PTPN3: variants seen among roughly 807,000 people sequenced by gnomAD.
The protein encoded by PTPN3 is tyrosine-protein phosphatase non-receptor type 3.
Under a neutral mutation model 132.7 loss-of-function variants are expected in PTPN3, and 96 were observed. The ratio of observed to expected loss-of-function variants is 0.72; its 90% confidence interval spans 0.61 to 0.86. The LOEUF is 0.86. Ranked by LOEUF, PTPN3 falls within the 40% of genes least tolerant of loss-of-function variation. The pLI, the probability that PTPN3 is intolerant of heterozygous loss-of-function variation, is 0.00. For missense variants in PTPN3, 1,125 were observed against 1,159.6 expected (o/e 0.97, Z 0.43); for synonymous variants, 398 against 429.0 (o/e 0.93, Z 0.89).
At chr9:109,442,874 C>T (rs145993457) in intron 7 of PTPN3, among the ~76,000 whole-genome samples, 1 of 152,198 alleles carries the variant, frequency 6.6e-6, no homozygotes, top group Non-Finnish European at 1.5e-5. Context: ...GTATATGGCT[C>T]CAGTCCAGTT....
chr9:109,462,866 T>C (rs907048268), intron 2 of PTPN3, among the ~76,000 whole-genome samples: 1 of 151,884 alleles, frequency 6.6e-6, no homozygotes, highest in East Asian at 2.0e-4. Context: ...TCTTTCCTGT[T>C]TTCAAGGAGC....
At chr9:109,501,263 G>A (rs1280229187), upstream of PTPN3, among the ~76,000 whole-genome samples, 2 of 152,140 alleles carry the variant, frequency 1.3e-5, no homozygotes, top group Non-Finnish European at 2.9e-5. Context: ...TTTTACAGAA[G>A]AGAAAACAAT....
chr9:109,391,157 A>G lies in PTPN3; in HGVS notation c.2087T>C (p.Ile696Thr), dbSNP rs759379733. 1 of 1,613,674 alleles carries G rather than the reference A, an allele frequency of 6.2e-7. No homozygotes were observed. Among genetic ancestry groups the G allele is most frequent in the Non-Finnish European group, 8.5e-7 (1 of 1,179,710 alleles). The change falls in exon 21 of 26, where the codon ATT becomes ACT. Residue 696 changes from isoleucine to threonine, a missense_variant. Physicochemically the swap from Ile to Thr is moderately conservative, Grantham distance 89. Transcript: ENST00000374541. The stretch of plus-strand genomic sequence containing the variant: ...ACTTACGTTCACGTAACTTGCATTA[A>G]TATAATCTTCATTTCCCTGCAATAA... ...RVLLQGNEDY[I>T]NASYVNMEIP...
At chr9:109,433,916 TAAAAAAAAAAAAAAAA>T (rs1170933792) in intron 9 of PTPN3, among the ~76,000 whole-genome samples, 1 of 98,284 alleles carries the variant, frequency 1.0e-5, no homozygotes, top group Non-Finnish European at 2.2e-5. Flanking sequence ...AGACTCTGTT[TAAAAAAAAAAAAAAAA>T]AAAAAAAAAA....
chr9:109,410,265 G>A lies in PTPN3; in HGVS notation c.1464C>T (p.Gly488=). Residue 488 remains glycine (G), a synonymous_variant, in exon 15 of 26, where the codon GGC becomes GGT. Transcript: ENST00000374541. ...LDDFHRVTKG[G]STEDASQYYC... The stretch of plus-strand genomic sequence containing the variant: ...AGTACTGGCTGGCGTCCTCGGTGGA[G>A]CCCCCTTTGGTCACCCTGTGGAAGT... 6.2e-7 allele frequency: 1 copy of A among 1,614,096 alleles called. No individual in the cohort carries two copies. The highest frequency in any genetic ancestry group is 8.5e-7 in the Non-Finnish European group (1 of 1,180,012).
intron 1 of PTPN3, among the ~76,000 whole-genome samples, chr9:109,466,257 G>C (rs1203472270): frequency 1.3e-5 from 2 of 152,186 alleles, no homozygotes; most frequent in African/African-American, 4.8e-5. Flanking sequence ...ATATAACATA[G>C]ACTATATAGC....
chr9:109,537,451 A>C, the PTPN3 span, among the ~76,000 whole-genome samples: 51 of 152,262 alleles, frequency 3.3e-4, no homozygotes, highest in Non-Finnish European at 1.0e-4. Context: ...CTCTAAACCA[A>C]AGCTGAACAT....
At chr9:109,412,450 T>C (rs1026572096) in intron 14 of PTPN3, among the ~76,000 whole-genome samples, 2 of 151,966 alleles carry the variant, frequency 1.3e-5, no homozygotes, top group Non-Finnish European at 2.9e-5. Flanking sequence ...CTCGGCTCAC[T>C]GCAACCTCCG....
At chr9:109,482,960 C>T (rs1388328251) in intron 1 of PTPN3, among the ~76,000 whole-genome samples, 1 of 152,236 alleles carries the variant, frequency 6.6e-6, no homozygotes, top group African/African-American at 2.4e-5. Flanking sequence ...GGAGCCCTAT[C>T]TGCTGCTTCT....
chr9:109,451,614 T>C (rs1244262685), intron 5 of PTPN3, among the ~76,000 whole-genome samples: 5 of 152,342 alleles, frequency 3.3e-5, no homozygotes, highest in African/African-American at 9.6e-5. Flanking sequence ...CCATCATGAA[T>C]GCCCTACATT....
chr9:109,383,290 C>A, intron 23 of PTPN3, 133 bp downstream of exon 23: 1 of 1,483,076 alleles, frequency 6.7e-7, no homozygotes, highest in Non-Finnish European at 9.3e-7. Context: ...CTTTGATGGG[C>A]AGTCTTGCGC....
intron 2 of PTPN3, among the ~76,000 whole-genome samples, chr9:109,460,140 C>T (rs909566546): frequency 6.6e-6 from 1 of 152,204 alleles, no homozygotes; most frequent in African/African-American, 2.4e-5. Context: ...GTTCTTCCCA[C>T]AGTCTTCCCC....
intron 1 of PTPN3, among the ~76,000 whole-genome samples, chr9:109,486,022 T>G (rs2132112140): frequency 6.6e-6 from 1 of 152,270 alleles, no homozygotes; most frequent in South Asian, 2.1e-4. Context: ...AACACAGAAC[T>G]TGGAAATTCT....
chr9:109,492,835 T>A (rs1847521979), intron 1 of PTPN3, among the ~76,000 whole-genome samples: 1 of 152,240 alleles, frequency 6.6e-6, no homozygotes, highest in Non-Finnish European at 1.5e-5. Flanking sequence ...TTTTATCTGC[T>A]ACCATCATGC....
the PTPN3 span, among the ~76,000 whole-genome samples, chr9:109,537,710 T>C: frequency 1.3e-5 from 2 of 152,380 alleles, no homozygotes; most frequent in East Asian, 3.9e-4. Context: ...ACAATGATCA[T>C]TGCTGACACT....
intron 7 of PTPN3, among the ~76,000 whole-genome samples, chr9:109,442,144 C>A (rs185671749): frequency 1.6e-4 from 25 of 152,098 alleles, no homozygotes; most frequent in Non-Finnish European, 3.2e-4. Flanking sequence ...ACCTCCAGGG[C>A]TCAAATAATC....
chr9:109,408,787 AAAAAAAAAAATAT>A (rs1267946263), intron 16 of PTPN3, among the ~76,000 whole-genome samples: 1 of 51,650 alleles, frequency 1.9e-5, no homozygotes, highest in Non-Finnish European at 4.0e-5. Flanking sequence ...TAATTAAAAA[AAAAAAAAAAATAT>A]ATATATATAT....
intron 9 of PTPN3, among the ~76,000 whole-genome samples, chr9:109,435,712 C>A (rs1172303995): frequency 6.6e-6 from 1 of 152,150 alleles, no homozygotes; most frequent in Non-Finnish European, 1.5e-5. Context: ...GGTGGGACAG[C>A]ACAGCTCAAC....
intron 1 of PTPN3, among the ~76,000 whole-genome samples, chr9:109,494,436 C>CA (rs1847592828): frequency 6.6e-6 from 1 of 151,976 alleles, no homozygotes; most frequent in African/African-American, 2.4e-5. Context: ...GACCTTGTCT[C>CA]AAAAAACAAA....
Sources: allele counts gnomAD v4.1 joint callset (sites outside exome capture counted in the v4.1 genomes callset), GRCh38; gene constraint gnomAD v4.1.1; transcripts MANE v1.5; gene names NCBI Gene and HGNC (gene_info 2026-07-23, HGNC 2026-07-21).